The following XXYLT1 variants were observed in gnomAD, a reference collection of about 807,000 sequenced individuals.
XXYLT1 encodes the protein UDP-xylose:alpha-xyloside alpha-1,3-xylosyltransferase.
In XXYLT1, 20 loss-of-function variants were observed where a neutral mutation model predicts 28.9. The ratio of observed to expected loss-of-function variants is 0.69; its 90% CI spans 0.49 to 1.00. XXYLT1 has a LOEUF of 1.00. Among genes scored for constraint, XXYLT1 ranks in the 50% least tolerant of loss-of-function variants. The pLI is 0.00. For missense variants in XXYLT1, 542 were observed against 560.1 expected (o/e 0.97, Z 0.33); for synonymous variants, 257 against 253.8 (o/e 1.01, Z -0.12).
chr3:195,189,897 G>GA (rs2108750075), intron 2 of XXYLT1, among the ~76,000 whole-genome samples: 1 of 152,238 alleles, frequency 6.6e-6, no homozygotes, highest in African/African-American at 2.4e-5. Flanking sequence ...TCTATACCTA[G>GA]ACACAGTATA....
chr3:195,245,608 G>A (rs1040291314), intron 1 of XXYLT1, among the ~76,000 whole-genome samples: 3 of 152,216 alleles, frequency 2.0e-5, no homozygotes, highest in Non-Finnish European at 2.9e-5. Flanking sequence ...GGAGTGGGAA[G>A]AGGCAGAGAG....
In XXYLT1 at chr3:195,212,719, C is replaced by T. The variant is rs74366412; in HGVS notation, c.652+13990G>A. Among the ~76,000 whole-genome samples the T allele has an allele frequency of 6.6e-4, 101 of 152,278 alleles. No homozygotes were observed. The East Asian group carries it at 0.019, about 29-fold the overall frequency. On this transcript the variant is annotated intron_variant, in intron 2 of 3. Transcript: ENST00000310380. ...AATGCCTGATGATCTGAGGTGGAAC[C>T]GTTTCATCCCAAAACCAGCCCCCAA...
intron 3 of XXYLT1, among the ~76,000 whole-genome samples, chr3:195,143,824 A>ATATATTTTTTTTTT (rs1719646236): frequency 1.1e-5 from 1 of 89,968 alleles, no homozygotes; most frequent in Non-Finnish European, 2.3e-5. Context: ...AGATATAGAT[A>ATATATTTTTTTTTT]TATATAGATA....
chr3:195,214,993 C>T (rs1390122048), intron 2 of XXYLT1: 1 of 151,276 alleles, frequency 6.6e-6, no homozygotes, highest in Non-Finnish European at 1.5e-5. Flanking sequence ...CCCTACAAGC[C>T]AGAAGAGAGT....
intron 2 of XXYLT1, among the ~76,000 whole-genome samples, chr3:195,194,458 C>T (rs1722545194): frequency 6.6e-6 from 1 of 152,070 alleles, no homozygotes; most frequent in Admixed American, 6.6e-5. Context: ...GCCCTCATGC[C>T]TCCCAGAAGG....
intron 3 of XXYLT1, among the ~76,000 whole-genome samples, chr3:195,116,850 C>T (rs115099912): frequency 0.016 from 2,449 of 152,178 alleles, 46 homozygotes; most frequent in African/African-American, 0.056. Flanking sequence ...GCAAAGGTCC[C>T]ACAGGTGATT....
intron 3 of XXYLT1, among the ~76,000 whole-genome samples, chr3:195,087,772 G>A (rs1259483996): frequency 2.6e-5 from 4 of 152,156 alleles, no homozygotes; most frequent in African/African-American, 4.8e-5. Context: ...CTGAGGTACC[G>A]GGTTCATCTC....
intron 3 of XXYLT1, among the ~76,000 whole-genome samples, chr3:195,075,160 G>A (rs578129494): frequency 6.6e-6 from 1 of 152,364 alleles, no homozygotes; most frequent in African/African-American, 2.4e-5. Flanking sequence ...GCTGAGGCAG[G>A]AGAATCGTTT....
intron 1 of XXYLT1, among the ~76,000 whole-genome samples, chr3:195,262,341 G>A (rs901273940): frequency 6.6e-6 from 1 of 152,166 alleles, no homozygotes; most frequent in East Asian, 1.9e-4. Context: ...ACAGGAGGAC[G>A]GAGGGTGATG....
rs143513629 is a variant in XXYLT1, at chr3:195,142,397, C to G, written c.785+14052G>C. Among the ~76,000 whole-genome samples the G allele has an allele frequency of 7.9e-4, 121 of 152,344 alleles. 1 individual carries two copies. The highest frequency in any genetic ancestry group is 2.8e-3 in the African/African-American group (115 of 41,578). The stretch of plus-strand genomic sequence containing the variant: ...CTGCTCACACTTTGGTTCCCCCTCT[C>G]CTTCCTTTTCTTCCAATTTTATCCC... On this transcript the variant is annotated intron_variant, in intron 3 of 3. Coordinates refer to ENST00000310380, the MANE Select transcript of XXYLT1 (RefSeq NM_152531.5).
At chr3:195,098,708 C>A (rs1374815677) in intron 3 of XXYLT1, among the ~76,000 whole-genome samples, 1 of 152,250 alleles carries the variant, frequency 6.6e-6, no homozygotes, top group Non-Finnish European at 1.5e-5. Flanking sequence ...TGCTGCAGAG[C>A]CCGTCATCAG....
At chr3:195,099,715 C>T (rs1478146095) in intron 3 of XXYLT1, among the ~76,000 whole-genome samples, 1 of 151,630 alleles carries the variant, frequency 6.6e-6, no homozygotes, top group Non-Finnish European at 1.5e-5. Flanking sequence ...CCTGCAGTCC[C>T]AGCTACTGGG....
At position 195,150,845 on chromosome 3, in the gene XXYLT1, CACACA is replaced by C. The variant is rs386670021; in HGVS notation, c.785+5599_785+5603del. On this transcript the variant is annotated intron_variant, in intron 3 of 3. Coordinates refer to ENST00000310380, the MANE Select transcript of XXYLT1 (RefSeq NM_152531.5). The surrounding 1 kb of genome is among the most constrained non-coding windows in gnomAD (Gnocchi z 4.7). ...ACACTCACACATACGCACACTCTCTCACACACTCTCACACACACACACACTCTCTC... is the reference window on the plus strand; with the variant it reads ...ACACTCACACATACGCACACTCTCTCCTCTCACACACACACACACTCTCTC... Among the ~76,000 whole-genome samples the C allele has an allele frequency of 0.21, 29,916 of 139,782 alleles. 3,633 individuals are homozygous for C. The highest frequency in any genetic ancestry group is 0.49 in the East Asian group (2,002 of 4,064). 91.7% of individuals were successfully genotyped at this position (139,782 alleles called of 152,430 possible).
chr3:195,182,608 T>C (rs1406174225), intron 2 of XXYLT1, among the ~76,000 whole-genome samples: 1 of 152,150 alleles, frequency 6.6e-6, no homozygotes, highest in Non-Finnish European at 1.5e-5. Flanking sequence ...TTGTTTTTCA[T>C]TCTCCCTCCT....
At chr3:195,253,493 C>CT (rs937699062) in intron 1 of XXYLT1, among the ~76,000 whole-genome samples, 9 of 143,990 alleles carry the variant, frequency 6.3e-5, no homozygotes, top group Non-Finnish European at 9.1e-5. Flanking sequence ...GCTCACATTT[C>CT]TTTTTTTTTC....
intron 3 of XXYLT1, among the ~76,000 whole-genome samples, chr3:195,098,414 G>T (rs940716329): frequency 6.6e-6 from 1 of 152,108 alleles, no homozygotes; most frequent in Non-Finnish European, 1.5e-5. Context: ...TTAGCCGGGC[G>T]TGGTGGTGCG....
At chr3:195,165,542 TTA>T (rs983620886) in intron 2 of XXYLT1, among the ~76,000 whole-genome samples, 3 of 152,176 alleles carry the variant, frequency 2.0e-5, no homozygotes, top group South Asian at 2.1e-4. Context: ...TTTCTCCACT[TTA>T]TGAGTCCAGA....
intron 2 of XXYLT1, among the ~76,000 whole-genome samples, chr3:195,172,454 C>T (rs564705290): frequency 1.3e-5 from 2 of 152,306 alleles, no homozygotes; most frequent in African/African-American, 2.4e-5. Flanking sequence ...CAACAGTACC[C>T]GCAGCCAGCA....
intron 3 of XXYLT1, among the ~76,000 whole-genome samples, chr3:195,075,764 T>C (rs1260783865): frequency 2.0e-5 from 3 of 152,124 alleles, no homozygotes; most frequent in Admixed American, 6.5e-5. Flanking sequence ...CTAAGAAACA[T>C]GTGCTTGTTT....
Sources: allele counts gnomAD v4.1 joint callset (sites outside exome capture counted in the v4.1 genomes callset), GRCh38; gene constraint gnomAD v4.1.1; non-coding constraint Gnocchi (gnomAD v3.1); transcripts MANE v1.5; gene names NCBI Gene and HGNC (gene_info 2026-07-23, HGNC 2026-07-21).